Variants in IRAK2 observed in about 807,000 individuals in gnomAD.
IRAK2 encodes the protein interleukin 1 receptor associated kinase 2.
In IRAK2, 57 loss-of-function variants were observed where a neutral mutation model predicts 72.0. The observed-to-expected ratio is 0.79, with a 90% confidence interval of 0.64 to 0.99. IRAK2 has a LOEUF of 0.99. Among genes scored for constraint, IRAK2 ranks in the 50% least tolerant of loss-of-function variants. The probability of loss-of-function intolerance (pLI) is 0.00; values close to 1 mark genes in which losing one functional copy is unlikely to be tolerated. For synonymous variants in IRAK2, 293 were observed against 312.7 expected (o/e 0.94, Z 0.67); for missense variants, 790 against 794.4 (o/e 0.99, Z 0.07).
At chr3:10,219,969 G>A (rs1258152634) in intron 8 of IRAK2, among the ~76,000 whole-genome samples, 180 bp downstream of exon 8, 1 of 152,136 alleles carries the variant, frequency 6.6e-6, no homozygotes, top group African/African-American at 2.4e-5. Context: ...AAAAATGAGT[G>A]TTTCCGGGCT....
At chr3:10,232,286 C>T (rs1368948706) in intron 10 of IRAK2, among the ~76,000 whole-genome samples, 1 of 152,188 alleles carries the variant, frequency 6.6e-6, no homozygotes, top group Non-Finnish European at 1.5e-5. Flanking sequence ...CTGTGGTCTC[C>T]TTCCCTTGTT....
intron 3 of IRAK2, among the ~76,000 whole-genome samples, chr3:10,206,896 C>T (rs7633278): frequency 0.051 from 7,795 of 151,896 alleles, 454 homozygotes; most frequent in African/African-American, 0.15. Flanking sequence ...GCTCTGTCCC[C>T]CAGGCTGGAG....
In IRAK2 at chr3:10,164,996, C is replaced by CG. The variant is rs748031391; in HGVS notation, c.43dup (p.Asp15GlyfsTer84). On this transcript the variant is annotated frameshift_variant, in exon 1 of 13. Coordinates refer to ENST00000256458, the MANE Select transcript of IRAK2 (RefSeq NM_001570.4). LOFTEE classifies it high-confidence loss of function. ...ACCAGCTGCCCTCCTGGGTGCTGGACGACCTGTGCCGCAACATGGACGCGC... is the reference window on the plus strand; with the variant it reads ...ACCAGCTGCCCTCCTGGGTGCTGGACGGACCTGTGCCGCAACATGGACGCGC... The CG allele has an allele frequency of 3.1e-6, 5 of 1,611,786 alleles. No individual in the cohort carries two copies. The South Asian group carries it at 5.5e-5, about 18-fold the overall frequency.
In IRAK2 at chr3:10,212,959, G is replaced by A. The variant is rs538241286; in HGVS notation, c.529-248G>A. ...TTTTTTTGTATTTTTTAGTAGAGAC[G>A]GGGTTTCACTGTGTTAGCCAGGATG... On this transcript the variant is annotated intron_variant, in intron 4 of 12. Transcript: ENST00000256458. Among the ~76,000 whole-genome samples, 378 of 151,950 alleles carry A rather than the reference G, an allele frequency of 2.5e-3. 1 individual carries two copies. Among genetic ancestry groups the A allele is most frequent in the African/African-American group, 8.5e-3 (351 of 41,434 alleles).
At chr3:10,194,185 G>A (rs977642630) in intron 2 of IRAK2, among the ~76,000 whole-genome samples, 1 of 152,248 alleles carries the variant, frequency 6.6e-6, no homozygotes, top group Admixed American at 6.5e-5. Flanking sequence ...AGCTCAGAGG[G>A]TTAGGAGGTC....
rs567572619 is a variant in IRAK2 at position 10,169,375 on chromosome 3, T to C, written c.94+4327T>C. On this transcript the variant is annotated intron_variant, in intron 1 of 12. Transcript: ENST00000256458. ...GAGGGCACTGCAGGAGACCAGGGCA[T>C]ATTTCATCCCTTATCTCAACTGCAT... Among the ~76,000 whole-genome samples the C allele has an allele frequency of 1.3e-4, 20 of 152,284 alleles. No homozygotes were observed. The South Asian group carries it at 4.1e-3, about 32-fold the overall frequency.
intron 2 of IRAK2, among the ~76,000 whole-genome samples, chr3:10,187,876 C>T (rs753808617): frequency 6.6e-6 from 1 of 152,126 alleles, no homozygotes; most frequent in African/African-American, 2.4e-5. Flanking sequence ...AGAGGCAGTA[C>T]TTGTATGTTC....
chr3:10,204,501 G>A (rs936526492), intron 3 of IRAK2, among the ~76,000 whole-genome samples: 1 of 152,080 alleles, frequency 6.6e-6, no homozygotes, highest in Non-Finnish European at 1.5e-5. Flanking sequence ...CAGTAGAATA[G>A]CAACAAAAAG....
rs893227086 is a variant in IRAK2, at chr3:10,177,841, C to T, written c.98C>T (p.Ser33Phe). The T allele has an allele frequency of 3.7e-6, 6 of 1,612,266 alleles. No homozygotes were observed. Among genetic ancestry groups the T allele is most frequent in the Non-Finnish European group, 5.1e-6 (6 of 1,180,038 alleles). ...GAGTTCTCTCCGTCCCTTCCAGCCTCCTACGTGATCACAGACCTGACCCAG... is the reference window on the plus strand; with the variant it reads ...GAGTTCTCTCCGTCCCTTCCAGCCTTCTACGTGATCACAGACCTGACCCAG... ...LSEWDWMEFA[S>F]YVITDLTQLR... The change falls in exon 2 of 13, where the codon TCC (serine) becomes TTC (phenylalanine). Residue 33 changes from serine to phenylalanine, a missense_variant. Ser to Phe is a radical substitution (Grantham distance 155). Transcript: ENST00000256458.
chr3:10,174,248 GGAACT>G (rs1283225207), intron 1 of IRAK2, among the ~76,000 whole-genome samples: 3 of 152,174 alleles, frequency 2.0e-5, no homozygotes, highest in Admixed American at 2.0e-4. Context: ...TAGCAATTTA[GGAACT>G]TTCCATCTTA....
intron 2 of IRAK2, among the ~76,000 whole-genome samples, chr3:10,180,220 C>T (rs1168929366): frequency 6.6e-6 from 1 of 152,112 alleles, no homozygotes; most frequent in Non-Finnish European, 1.5e-5. Flanking sequence ...CAAAGAGACC[C>T]CCTCAGCGTA....
chr3:10,196,932 C>G (rs1188027433), intron 2 of IRAK2, among the ~76,000 whole-genome samples: 1 of 152,186 alleles, frequency 6.6e-6, no homozygotes. Context: ...ACGCTACTCA[C>G]ACTAGCTTGG....
intron 12 of IRAK2, among the ~76,000 whole-genome samples, chr3:10,239,708 C>T (rs936218042): frequency 1.3e-5 from 2 of 151,880 alleles, no homozygotes; most frequent in Non-Finnish European, 2.9e-5. Context: ...GCCTGGGCGA[C>T]AGAACAAGAG....
At chr3:10,199,767 C>T (rs980492307) in intron 2 of IRAK2, among the ~76,000 whole-genome samples, 1 of 151,946 alleles carries the variant, frequency 6.6e-6, no homozygotes, top group Non-Finnish European at 1.5e-5. Context: ...GAAGGGAGAC[C>T]GAGAGGAGGA....
At chr3:10,214,540 C>CT (rs71055807) in intron 6 of IRAK2, among the ~76,000 whole-genome samples, 40,051 of 140,864 alleles carry the variant, frequency 0.28, 6,074 homozygotes, top group Non-Finnish European at 0.37. Context: ...CATGTGTGTG[C>CT]TTTTTTTTTT....
chr3:10,222,764 A>G lies in IRAK2; in HGVS notation c.1142A>G (p.Tyr381Cys), dbSNP rs776281971. 1.2e-6 allele frequency: 2 copies of G among 1,614,238 alleles called. No homozygotes were observed. Among genetic ancestry groups the G allele is most frequent in the East Asian group, 2.2e-5 (1 of 44,888 alleles). ...KTHLLRTSAAYLPEDFIRVGQ... is the reference protein window; with the variant it reads ...KTHLLRTSAACLPEDFIRVGQ... The stretch of plus-strand genomic sequence containing the variant: ...CACCTGCTCCGGACGTCAGCCGCGT[A>G]TCTGCCAGAGGATTTCATCCGGGTG... The change falls in exon 9 of 13, where the codon TAT becomes TGT. Residue 381 changes from tyrosine to cysteine, a missense_variant. Physicochemically the swap from Tyr to Cys is radical, Grantham distance 194 (BLOSUM62 -2). Coordinates refer to ENST00000256458, the MANE Select transcript of IRAK2 (RefSeq NM_001570.4).
Position 10,219,736 on chromosome 3 carries a change from C to T in IRAK2, c.960C>T (p.Leu320=), listed in dbSNP as rs533972093. ...PQRVSICSGL[L]CAVEYLHGLE... is the part of the protein sequence containing the mutation. ...GTGTCAGCATCTGCTCAGGGCTGCT[C>T]TGTGCCGTCGAGTACCTGCATGGTC... is the stretch of plus-strand genomic sequence containing the variant. Residue 320 remains leucine, a synonymous_variant, in exon 8 of 13, where the codon CTC becomes CTT. Transcript: ENST00000256458. 3.7e-6 allele frequency: 6 copies of T among 1,613,926 alleles called. No individual in the cohort carries two copies. Among genetic ancestry groups the T allele is most frequent in the East Asian group, 4.5e-5 (2 of 44,862 alleles).
rs905170914 is a variant in IRAK2 at position 10,220,088 on chromosome 3, C to T, written c.1013+299C>T. ...TCCACACCTTGCTGCGTCGCACTGT[C>T]CACTCAGCAGCTGGCCTGGACCTCA... On this transcript the variant is annotated intron_variant, in intron 8 of 12. Transcript: ENST00000256458. Among the ~76,000 whole-genome samples the T allele has an allele frequency of 5.3e-5, 8 of 152,332 alleles. 1 individual carries two copies. The South Asian group carries it at 1.7e-3, about 32-fold the overall frequency.
intron 10 of IRAK2, among the ~76,000 whole-genome samples, chr3:10,231,346 C>T (rs548389690): frequency 3.9e-5 from 6 of 152,070 alleles, no homozygotes; most frequent in Admixed American, 1.3e-4. Context: ...GGCTGGAGTA[C>T]AGTGGTGTGC....
Sources: allele counts gnomAD v4.1 joint callset (sites outside exome capture counted in the v4.1 genomes callset), GRCh38; gene constraint gnomAD v4.1.1; transcripts MANE v1.5; gene names NCBI Gene and HGNC (gene_info 2026-07-23, HGNC 2026-07-21).